APLP1: variants seen among roughly 807,000 people sequenced by gnomAD.
APLP1 encodes the protein amyloid beta precursor like protein 1, also known as amyloid beta (A4) precursor-like protein 1.
Under a neutral mutation model 84.5 loss-of-function variants are expected in APLP1, and 46 were observed. That is an observed-to-expected ratio of 0.54 (90% CI 0.43 to 0.70). The LOEUF (loss-of-function observed/expected upper bound fraction) is 0.70, where lower values mean the gene tolerates loss of function less well. Among genes scored for constraint, APLP1 ranks in the 30% least tolerant of loss-of-function variants. APLP1 has a pLI of 0.00. For missense variants in APLP1, 826 were observed against 900.2 expected (o/e 0.92, Z 1.05); for synonymous variants, 376 against 364.0 (o/e 1.03, Z -0.38).
At position 35,874,934 on chromosome 19, in the gene APLP1, T is replaced by C; in HGVS notation, c.1344+65T>C. 2 of 1,569,924 alleles carry C rather than the reference T, an allele frequency of 1.3e-6. No individual in the cohort carries two copies. Among genetic ancestry groups the C allele is most frequent in the Non-Finnish European group, 1.7e-6 (2 of 1,163,956 alleles). On this transcript the variant is annotated intron_variant, in intron 10 of 16. Transcript: ENST00000221891. This position sits in a 1 kb window ranked among gnomAD's most constrained non-coding sequence, Gnocchi z 6.4. Reference sequence around the variant, plus strand: ...CTCAGACGCCCGCGCCTCAGGCTCTTCTCTTGTCCCTTAGACCCTCTTTCT... The same window carrying C: ...CTCAGACGCCCGCGCCTCAGGCTCTCCTCTTGTCCCTTAGACCCTCTTTCT...
At position 35,878,621 on chromosome 19, in the gene APLP1, G is replaced by C; in HGVS notation, c.1617G>C (p.Glu539Asp). 3 of 1,614,132 alleles carry C rather than the reference G, an allele frequency of 1.9e-6. No homozygotes were observed. In the South Asian group the frequency reaches 3.3e-5, roughly 18 times the overall value. ...TEQDAASPEK[E>D]KMNPLEQYER... Reference sequence around the variant, plus strand: ...AAGATGCTGCATCCCCTGAGAAAGAGAAGATGAACCCGCTGGAACAGTATG... The same window carrying C: ...AAGATGCTGCATCCCCTGAGAAAGACAAGATGAACCCGCTGGAACAGTATG... The change falls in exon 14 of 17, where the codon GAG becomes GAC. Residue 539 changes from glutamate to aspartate, a missense_variant. Glu to Asp is a conservative substitution (Grantham distance 45, BLOSUM62 2). Coordinates refer to ENST00000221891, the MANE Select transcript of APLP1 (RefSeq NM_001024807.3).
rs1298238787 is a variant in APLP1, at chr19:35,874,641, C to A, written c.1194C>A (p.Ala398=). The part of the protein sequence containing the change: ...RRAALEGFLA[A]LQADPPQAER... Reference sequence around the variant, plus strand: ...CTGCCTTGGAGGGCTTCCTGGCAGCCCTGCAGGCAGATCCGCCTCAGGTGC... The same window carrying A: ...CTGCCTTGGAGGGCTTCCTGGCAGCACTGCAGGCAGATCCGCCTCAGGTGC... The change falls in exon 9 of 17, where the codon GCC becomes GCA. Residue 398 remains alanine (A), a synonymous_variant. Coordinates refer to ENST00000221891, the MANE Select transcript of APLP1 (RefSeq NM_001024807.3). This position sits in a 1 kb window ranked among gnomAD's most constrained non-coding sequence, Gnocchi z 6.4. 1.2e-6 allele frequency: 2 copies of A among 1,613,576 alleles called. No individual in the cohort carries two copies. Among genetic ancestry groups the A allele is most frequent in the African/African-American group, 2.7e-5 (2 of 74,946 alleles).
At position 35,879,650 on chromosome 19, in the gene APLP1, G is replaced by C. The variant is rs1974373737; in HGVS notation, c.*209G>C. Reference sequence around the variant, plus strand: ...GATAGTCCCAGCAGCCTCCCCACGTGGCACCTCCTCACCTTAATTTATTTT... The same window carrying C: ...GATAGTCCCAGCAGCCTCCCCACGTCGCACCTCCTCACCTTAATTTATTTT... On this transcript the variant is annotated 3_prime_UTR_variant, in exon 17 of 17. Coordinates refer to ENST00000221891, the MANE Select transcript of APLP1 (RefSeq NM_001024807.3). The C allele has an allele frequency of 1.8e-6, 1 of 568,144 alleles. No homozygotes were observed. The highest frequency in any genetic ancestry group is 3.0e-5 in the East Asian group (1 of 33,246). 35.2% of individuals were successfully genotyped at this position (568,144 alleles called of 1,614,324 possible). A position where few individuals can be genotyped will look rare whatever the true frequency, so the allele number is the denominator to read the frequency against.
chr19:35,872,023 A>G lies in APLP1; in HGVS notation c.837A>G (p.Ala279=), dbSNP rs1164983646. 16 of 1,613,850 alleles carry G rather than the reference A, an allele frequency of 9.9e-6. No individual in the cohort carries two copies. The highest frequency in any genetic ancestry group is 1.7e-4 in the Middle Eastern group (1 of 6,060). The part of the protein sequence containing the change: ...TVPPPSSHTL[A]VVGKVTPTPR... ...CACCCCCAAGCTCCCATACACTTGC[A>G]GTGGTCGGCAAAGGTGAGGCAGTCT... is the stretch of plus-strand genomic sequence containing the variant. The change falls in exon 6 of 17, where the codon GCA becomes GCG. Residue 279 remains alanine (A), a synonymous_variant. Coordinates refer to ENST00000221891, the MANE Select transcript of APLP1 (RefSeq NM_001024807.3).
intron 12 of APLP1, 63 bp from the exon 13 acceptor site, chr19:35,878,019 C>G: frequency 6.4e-7 from 1 of 1,557,838 alleles, no homozygotes; most frequent in Non-Finnish European, 8.8e-7. Context: ...TGTTTCTCCA[C>G]CTTTCTTTGC....
intron 10 of APLP1, 133 bp downstream of exon 10, chr19:35,875,002 C>T (rs1023712414): frequency 7.8e-7 from 1 of 1,277,004 alleles, no homozygotes; most frequent in Non-Finnish European, 1.1e-6. Context: ...CGCTTCTCTG[C>T]CCCTTCCCAG....
chr19:35,871,064 G>C, intron 3 of APLP1, 36 bp downstream of exon 3: 1 of 1,501,254 alleles, frequency 6.7e-7, no homozygotes, highest in Non-Finnish European at 8.9e-7. Flanking sequence ...ACTGAGGTGG[G>C]AGTTTCTGAG....
chr19:35,873,571 G>A, intron 7 of APLP1, 68 bp from the exon 8 acceptor site: 1 of 1,511,224 alleles, frequency 6.6e-7, no homozygotes, highest in Non-Finnish European at 9.2e-7. Context: ...ATCTTAAAGA[G>A]GGGTTGGGGG....
Position 35,874,920 on chromosome 19 carries a change from G to A in APLP1, c.1344+51G>A, listed in dbSNP as rs373418365. The stretch of plus-strand genomic sequence containing the variant: ...ATGCGCCGCTATTCCTCAGACGCCC[G>A]CGCCTCAGGCTCTTCTCTTGTCCCT... On this transcript the variant is annotated intron_variant, in intron 10 of 16. Coordinates refer to ENST00000221891, the MANE Select transcript of APLP1 (RefSeq NM_001024807.3). The surrounding 1 kb of genome is among the most constrained non-coding windows in gnomAD (Gnocchi z 6.4). The A allele has an allele frequency of 1.7e-5, 27 of 1,583,962 alleles. No individual in the cohort carries two copies. Among genetic ancestry groups the A allele is most frequent in the African/African-American group, 6.7e-5 (5 of 74,664 alleles).
At chr19:35,879,003 G>A in intron 15 of APLP1, 51 bp downstream of exon 15, 1 of 1,613,694 alleles carries the variant, frequency 6.2e-7, no homozygotes, top group Non-Finnish European at 8.5e-7. Context: ...GAGGTCAGCG[G>A]CCAGGCTGTG....
chr19:35,874,194 A>T lies in APLP1; in HGVS notation c.1057-310A>T, dbSNP rs1409918760. Among the ~76,000 whole-genome samples, 1 of 151,994 alleles carries T rather than the reference A, an allele frequency of 6.6e-6. No individual in the cohort carries two copies. Among genetic ancestry groups the T allele is most frequent in the Non-Finnish European group, 1.5e-5 (1 of 67,994 alleles). On this transcript the variant is annotated intron_variant, in intron 8 of 16. Coordinates refer to ENST00000221891, the MANE Select transcript of APLP1 (RefSeq NM_001024807.3). This position sits in a 1 kb window ranked among gnomAD's most constrained non-coding sequence, Gnocchi z 6.4. The stretch of plus-strand genomic sequence containing the variant: ...TTATACACAGCCTGTCTCCAGTTTG[A>T]CCCTGCCCAGGCCAGGAGCCCTGCA...
intron 10 of APLP1, among the ~76,000 whole-genome samples, chr19:35,875,651 G>C (rs1810741423): frequency 1.3e-5 from 2 of 151,728 alleles, no homozygotes; most frequent in African/African-American, 4.8e-5. Flanking sequence ...TGGTAGACAC[G>C]GGTTTCAGCA....
intron 15 of APLP1, 57 bp from the exon 16 acceptor site, chr19:35,879,017 C>A: frequency 1.2e-6 from 2 of 1,613,512 alleles, no homozygotes; most frequent in Non-Finnish European, 1.7e-6. Context: ...GGCTGTGATT[C>A]CCAAAGCCAC....
chr19:35,871,700 G>A lies in APLP1; in HGVS notation c.626G>A (p.Cys209Tyr). Reference sequence around the variant, plus strand: ...CGGTTCCGTGGTGTGGAGTATGTGTGCTGTCCCCCTCCAGGGACCCCCGAC... The same window carrying A: ...CGGTTCCGTGGTGTGGAGTATGTGTACTGTCCCCCTCCAGGGACCCCCGAC... ...SDRFRGVEYV[C>Y]CPPPGTPDPS... is the part of the protein sequence containing the mutation. Residue 209 changes from cysteine to tyrosine, a missense_variant, in exon 5 of 17, where the codon TGC (cysteine) becomes TAC (tyrosine). Physicochemically the swap from Cys to Tyr is radical, Grantham distance 194. Transcript: ENST00000221891. 1 of 1,614,076 alleles carries A rather than the reference G, an allele frequency of 6.2e-7. No homozygotes were observed. The highest frequency in any genetic ancestry group is 8.5e-7 in the Non-Finnish European group (1 of 1,180,020).
At position 35,875,005 on chromosome 19, in the gene APLP1, C is replaced by T; in HGVS notation, c.1344+136C>T. 5 of 1,252,728 alleles carry T rather than the reference C, an allele frequency of 4.0e-6. No individual in the cohort carries two copies. The South Asian group carries it at 7.7e-5, about 19-fold the overall frequency. 77.6% of individuals were successfully genotyped at this position (1,252,728 alleles called of 1,614,324 possible). A position where few individuals can be genotyped will look rare whatever the true frequency, so the allele number is the denominator to read the frequency against. On this transcript the variant is annotated intron_variant, in intron 10 of 16. Coordinates refer to ENST00000221891, the MANE Select transcript of APLP1 (RefSeq NM_001024807.3). ...TCCCCTGAACACCGCTTCTCTGCCC[C>T]TTCCCAGTCTCTCAGCTCAGCTTCC...
In APLP1 at chr19:35,868,775, G is replaced by A; in HGVS notation, c.139G>A (p.Ala47Thr). The A allele has an allele frequency of 7.6e-7, 1 of 1,317,524 alleles. No individual in the cohort carries two copies. Among genetic ancestry groups the A allele is most frequent in the Non-Finnish European group, 9.6e-7 (1 of 1,036,476 alleles). The allele number at this position is 1,317,524 out of a possible 1,614,324, so 81.6% of individuals were successfully genotyped here. A position where few individuals can be genotyped will look rare whatever the true frequency, so the allele number is the denominator to read the frequency against. ...IGSLAGGSPG[A>T]AEAPGSAQVA... ...GAGCCTGGCCGGTGGGAGCCCCGGC[G>A]CGGCCGAGGTGAGGCCGGGCCGGGT... Residue 47 changes from alanine to threonine, a missense_variant, in exon 1 of 17, where the codon GCG (alanine) becomes ACG (threonine). Physicochemically the swap from Ala to Thr is moderately conservative, Grantham distance 58. Transcript: ENST00000221891. This position sits in a 1 kb window ranked among gnomAD's most constrained non-coding sequence, Gnocchi z 5.2.
Position 35,879,792 on chromosome 19 carries a change from A to C in APLP1, c.*351A>C. 4.5e-6 allele frequency: 1 copy of C among 224,090 alleles called. No individual in the cohort carries two copies. Among genetic ancestry groups the C allele is most frequent in the South Asian group, 9.6e-5 (1 of 10,426 alleles). 13.9% of individuals were successfully genotyped at this position (224,090 alleles called of 1,614,324 possible). A position where few individuals can be genotyped will look rare whatever the true frequency, so the allele number is the denominator to read the frequency against. On this transcript the variant is annotated 3_prime_UTR_variant, in exon 17 of 17. Coordinates refer to ENST00000221891, the MANE Select transcript of APLP1 (RefSeq NM_001024807.3). ...TCCCAATAAAGTCCTCTTCCCTACC[A>C]GGCCAGTCTGAGTCTCTGTGGGAGA...
At position 35,879,151 on chromosome 19, in the gene APLP1, C is replaced by G. The variant is rs749708527; in HGVS notation, c.1791C>G (p.Ile597Met). Residue 597 changes from isoleucine to methionine, a missense_variant, in exon 16 of 17, where the codon ATC (isoleucine) becomes ATG (methionine). This residue lies in a region of APLP1 where 433 missense variants were observed against 496.5 expected (regional missense o/e 0.87). Transcript: ENST00000221891. ...TGGGAGCGGGCGGAGGCTCCCTCAT[C>G]GTCCTCTCCATGCTGCTCCTGCGCA... Reference protein sequence around the residue: ...LIMGAGGGSLIVLSMLLLRRK... With the variant: ...LIMGAGGGSLMVLSMLLLRRK... 6 of 1,612,726 alleles carry G rather than the reference C, an allele frequency of 3.7e-6. No homozygotes were observed. In the South Asian group the frequency reaches 4.4e-5, roughly 12 times the overall value.
intron 2 of APLP1, chr19:35,870,408 A>G (rs535120717): frequency 4.6e-5 from 8 of 172,332 alleles, no homozygotes; most frequent in Non-Finnish European, 3.7e-5. Context: ...GCCAATGAGC[A>G]CAAGGAGCTT....
Sources: gnomAD v4.1 joint callset for allele counts (sites outside exome capture counted in the v4.1 genomes callset) on GRCh38, gnomAD v4.1.1 for gene constraint, gnomAD v4.1.1 regional missense constraint, Gnocchi (gnomAD v3.1) non-coding constraint, MANE v1.5 for transcripts, NCBI Gene and HGNC (gene_info 2026-07-23, HGNC 2026-07-21) for gene names.